STX18: variants seen among roughly 807,000 people sequenced by gnomAD.
The protein encoded by STX18 is syntaxin 18.
STX18 carries 40 observed loss-of-function variants against 50.1 expected under a neutral mutation model. The observed-to-expected ratio is 0.80, with a 90% CI of 0.62 to 1.04. The LOEUF (loss-of-function observed/expected upper bound fraction) is 1.04, where lower values mean the gene tolerates loss of function less well. STX18 is among the 50% of genes least tolerant of loss of function. The pLI, the probability that STX18 is intolerant of heterozygous loss-of-function variation, is 0.00. For missense variants in STX18, 410 were observed against 415.8 expected (o/e 0.99, Z 0.12); for synonymous variants, 158 against 151.8 (o/e 1.04, Z -0.30).
intron 7 of STX18, among the ~76,000 whole-genome samples, chr4:4,429,555 C>T (rs1220415224): frequency 6.6e-6 from 1 of 152,224 alleles, no homozygotes; most frequent in Non-Finnish European, 1.5e-5. Flanking sequence ...GCTCAGGAGT[C>T]CCCTGCCCAG....
At chr4:4,509,625 T>C (rs1729905114) in intron 1 of STX18, among the ~76,000 whole-genome samples, 1 of 152,158 alleles carries the variant, frequency 6.6e-6, no homozygotes. Context: ...GTATAATCAA[T>C]ATATTAAAAT....
Position 4,425,205 on chromosome 4 carries a change from C to T in STX18, c.720G>A (p.Gln240=), listed in dbSNP as rs1725185427. The T allele has an allele frequency of 6.2e-7, 1 of 1,614,164 alleles. No homozygotes were observed. Among genetic ancestry groups the T allele is most frequent in the African/African-American group, 1.3e-5 (1 of 75,056 alleles). The change falls in exon 8 of 11, where the codon CAG becomes CAA. Residue 240 remains glutamine (Q), a synonymous_variant. Transcript: ENST00000306200. ...EEIQMFEQEN[Q]RLIGEMNSLF... ...AGCTGTTCATTTCACCAATTAGTCGCTGATTTTCCTGTTCAAACTGTGAGG... is the reference window on the plus strand; with the variant it reads ...AGCTGTTCATTTCACCAATTAGTCGTTGATTTTCCTGTTCAAACTGTGAGG...
chr4:4,425,049 C>A lies in STX18; in HGVS notation c.761+115G>T, dbSNP rs1459341775. The stretch of plus-strand genomic sequence containing the variant: ...GCCCAGTCAAAATGGCTGAGGGGGG[C>A]TGCACCAGCCCAAGGGCCCCATGGG... On this transcript the variant is annotated intron_variant, in intron 8 of 10. Coordinates refer to ENST00000306200, the MANE Select transcript of STX18 (RefSeq NM_016930.4). The A allele has an allele frequency of 5.4e-6, 5 of 925,694 alleles. No homozygotes were observed. In the Admixed American group the frequency reaches 5.7e-5, roughly 11 times the overall value. 57.3% of individuals were successfully genotyped at this position (925,694 alleles called of 1,614,324 possible).
chr4:4,425,353 G>T (rs574549785), intron 7 of STX18, 131 bp from the exon 8 acceptor site: 2 of 781,532 alleles, frequency 2.6e-6, no homozygotes, highest in South Asian at 2.9e-5. Flanking sequence ...GTGGCAGCCG[G>T]TGCTGGACGA....
At chr4:4,542,077 A>G (rs1731638946), upstream of STX18, 1 of 1,253,980 alleles carries the variant, frequency 8.0e-7, no homozygotes, top group South Asian at 2.0e-5. Flanking sequence ...TCCCCCCGGC[A>G]ACGGCGACGC....
At chr4:4,511,720 G>GTGTGTT (rs1730014428) in intron 1 of STX18, among the ~76,000 whole-genome samples, 1 of 70,780 alleles carries the variant, frequency 1.4e-5, no homozygotes. Flanking sequence ...ATTAGTGTGT[G>GTGTGTT]TGTGTGTGTG....
chr4:4,432,974 T>C (rs981562974), intron 7 of STX18, among the ~76,000 whole-genome samples: 1 of 152,226 alleles, frequency 6.6e-6, no homozygotes, highest in African/African-American at 2.4e-5. Flanking sequence ...CTGACTTCTC[T>C]GCCTGGCTGG....
intron 1 of STX18, among the ~76,000 whole-genome samples, chr4:4,490,902 G>A (rs1328571716): frequency 2.0e-5 from 3 of 151,950 alleles, no homozygotes; most frequent in African/African-American, 7.2e-5. Context: ...CTCTAATCAT[G>A]ACATTTCCAA....
At chr4:4,484,712 C>A (rs532083934) in intron 1 of STX18, among the ~76,000 whole-genome samples, 1 of 152,282 alleles carries the variant, frequency 6.6e-6, no homozygotes, top group African/African-American at 2.4e-5. Context: ...CGTCTAAAAA[C>A]AAATATTCTC....
At chr4:4,495,841 A>C (rs1729144724) in intron 1 of STX18, among the ~76,000 whole-genome samples, 2 of 152,154 alleles carry the variant, frequency 1.3e-5, no homozygotes, top group Admixed American at 1.3e-4. Flanking sequence ...AGTGCAAAGA[A>C]ATGGAACAAG....
intron 3 of STX18, 34 bp downstream of exon 3, chr4:4,459,338 T>C: frequency 6.7e-7 from 1 of 1,497,942 alleles, no homozygotes; most frequent in Middle Eastern, 1.9e-4. Flanking sequence ...GCTATATTCA[T>C]GGTTGCTTGT....
chr4:4,450,014 G>A (rs564826073), intron 5 of STX18, among the ~76,000 whole-genome samples: 1 of 152,262 alleles, frequency 6.6e-6, no homozygotes, highest in South Asian at 2.1e-4. Flanking sequence ...TCCCTAAGAG[G>A]CCTGGCTCCC....
Position 4,423,507 on chromosome 4 carries a change from T to C in STX18, c.831+11A>G, listed in dbSNP as rs759397281. The C allele has an allele frequency of 8.1e-6, 13 of 1,613,816 alleles. No homozygotes were observed. The highest frequency in any genetic ancestry group is 5.3e-5 in the African/African-American group (4 of 74,870). ...TGAAAACATACAGCTCCTTTGTTTT[T>C]GTTTTTTTACCTGTTGCAAAACCTT... On this transcript the variant is annotated intron_variant, in intron 9 of 10. Transcript: ENST00000306200.
At chr4:4,501,608 C>T (rs1729466249) in intron 1 of STX18, among the ~76,000 whole-genome samples, 1 of 152,134 alleles carries the variant, frequency 6.6e-6, no homozygotes, top group Admixed American at 6.5e-5. Flanking sequence ...TTATCTTTTG[C>T]TGTGGAGACA....
At chr4:4,504,163 C>T (rs1188360360) in intron 1 of STX18, among the ~76,000 whole-genome samples, 1 of 152,108 alleles carries the variant, frequency 6.6e-6, no homozygotes, top group East Asian at 1.9e-4. Context: ...TTTGTAAAGG[C>T]TGTGAGGTGG....
At chr4:4,494,488 G>C (rs1729079710) in intron 1 of STX18, among the ~76,000 whole-genome samples, 1 of 152,072 alleles carries the variant, frequency 6.6e-6, no homozygotes, top group South Asian at 2.1e-4. Context: ...CTACATTACA[G>C]AGCATATTCC....
chr4:4,425,494 T>C (rs561670789), intron 7 of STX18: 85 of 561,606 alleles, frequency 1.5e-4, no homozygotes, highest in African/African-American at 1.4e-3. Flanking sequence ...GCTATGGCTG[T>C]AGCTGTATCT....
rs1374483251 is a variant in STX18, at chr4:4,541,953, G to A, written c.12C>T (p.Asp4=). 28 of 1,604,456 alleles carry A rather than the reference G, an allele frequency of 1.7e-5. No individual in the cohort carries two copies. Among genetic ancestry groups the A allele is most frequent in the East Asian group, 2.3e-5 (1 of 44,300 alleles). Residue 4 remains aspartate (D), a synonymous_variant, in exon 1 of 11, where the codon GAC becomes GAT. Coordinates refer to ENST00000306200, the MANE Select transcript of STX18 (RefSeq NM_016930.4). The stretch of plus-strand genomic sequence containing the variant: ...CGCTGGCCCGGAATAGCAGCGTGAT[G>A]TCCACCGCCATAGCGACCCGCACCC... The part of the protein sequence containing the change: MAV[D]ITLLFRASVK...
rs556286909 is a variant in STX18 at position 4,520,625 on chromosome 4, G to A, written c.168+21172C>T. Among the ~76,000 whole-genome samples the A allele has an allele frequency of 1.4e-3, 209 of 152,076 alleles. 6 individuals are homozygous for A. The South Asian group carries it at 0.041, about 30-fold the overall frequency. Reference sequence around the variant, plus strand: ...AAAGTTTTGTATTATAAAATACATCGTTGTACTTGTTCAGACAGTCTAGCT... The same window carrying A: ...AAAGTTTTGTATTATAAAATACATCATTGTACTTGTTCAGACAGTCTAGCT... On this transcript the variant is annotated intron_variant, in intron 1 of 10. Transcript: ENST00000306200.
Sources: allele counts gnomAD v4.1 joint callset (sites outside exome capture counted in the v4.1 genomes callset), GRCh38; gene constraint gnomAD v4.1.1; transcripts MANE v1.5; gene names NCBI Gene and HGNC (gene_info 2026-07-23, HGNC 2026-07-21).